MITF: variants seen among roughly 807,000 people sequenced by gnomAD.
MITF encodes the protein microphthalmia-associated transcription factor.
A neutral mutation model predicts 60.5 loss-of-function variants in MITF; 17 were observed. The observed-to-expected ratio is 0.28, with a 90% confidence interval of 0.19 to 0.42. The LOEUF is 0.42. Ranked by LOEUF, MITF falls within the 10% of genes least tolerant of loss-of-function variation. The pLI is 1.00. For missense variants in MITF, 622 were observed against 683.5 expected (o/e 0.91, Z 1.00); for synonymous variants, 260 against 248.5 (o/e 1.05, Z -0.43).
chr3:69,956,547 G>C lies in MITF; in HGVS notation c.1031+17G>C. The C allele has an allele frequency of 6.3e-7, 1 of 1,593,812 alleles. No homozygotes were observed. Among genetic ancestry groups the C allele is most frequent in the Non-Finnish European group, 8.6e-7 (1 of 1,161,696 alleles). Reference sequence around the variant, plus strand: ...AAATGATCCGTGAGTACAATCGCGTGTTAATCTGCATCATATATTTTTCGT... The same window carrying C: ...AAATGATCCGTGAGTACAATCGCGTCTTAATCTGCATCATATATTTTTCGT... On this transcript the variant is annotated intron_variant, in intron 8 of 9. Coordinates refer to ENST00000352241, the MANE Select transcript of MITF (RefSeq NM_001354604.2).
chr3:69,941,077 T>A (rs561569535), intron 4 of MITF, among the ~76,000 whole-genome samples, 159 bp from the exon 5 acceptor site: 1 of 152,338 alleles, frequency 6.6e-6, no homozygotes, highest in South Asian at 2.1e-4. Flanking sequence ...TACTATTTTA[T>A]ACTTCAATAC....
intron 2 of MITF, among the ~76,000 whole-genome samples, chr3:69,905,196 T>A (rs1559710280): frequency 6.6e-6 from 1 of 152,100 alleles, no homozygotes; most frequent in Non-Finnish European, 1.5e-5. Flanking sequence ...GTTTGTAATT[T>A]CCAGAGTTTA....
chr3:69,907,603 T>C (rs2065128942), intron 2 of MITF, among the ~76,000 whole-genome samples: 1 of 152,086 alleles, frequency 6.6e-6, no homozygotes, highest in Non-Finnish European at 1.5e-5. Flanking sequence ...GTGCCAAAAT[T>C]TGTATTTGAA....
intron 1 of MITF, among the ~76,000 whole-genome samples, chr3:69,745,623 T>C (rs979938564): frequency 1.3e-5 from 2 of 152,238 alleles, no homozygotes; most frequent in Admixed American, 1.3e-4. Flanking sequence ...CCTTTTAAAC[T>C]TCTAACCTTT....
intron 1 of MITF, among the ~76,000 whole-genome samples, chr3:69,845,886 G>A (rs1323461376): frequency 6.6e-6 from 1 of 152,172 alleles, no homozygotes; most frequent in East Asian, 1.9e-4. Flanking sequence ...GAGTGTCATG[G>A]CTCTGTGTGT....
intron 1 of MITF, among the ~76,000 whole-genome samples, chr3:69,750,471 C>CTTTTTT (rs199909971): frequency 8.1e-6 from 1 of 123,860 alleles, no homozygotes; most frequent in African/African-American, 3.1e-5. Flanking sequence ...AGTGACACTC[C>CTTTTTT]TTTTTTTTTT....
At position 69,965,709 on chromosome 3, in the gene MITF, A is replaced by T. The variant is rs2066674437; in HGVS notation, c.*461A>T. 4.1e-6 allele frequency: 1 copy of T among 244,134 alleles called. No individual in the cohort carries two copies. Among genetic ancestry groups the T allele is most frequent in the African/African-American group, 2.2e-5 (1 of 45,330 alleles). The allele number at this position is 244,134 out of a possible 1,614,324, so 15.1% of individuals were successfully genotyped here. On this transcript the variant is annotated 3_prime_UTR_variant, in exon 10 of 10. Coordinates refer to ENST00000352241, the MANE Select transcript of MITF (RefSeq NM_001354604.2). ...ATCCATACTAACCCTTTTCCATTTT[A>T]TAAATGTATTGATTCATTGGTACTG...
At chr3:69,913,801 G>A (rs1191902377) in intron 2 of MITF, among the ~76,000 whole-genome samples, 3 of 152,140 alleles carry the variant, frequency 2.0e-5, no homozygotes, top group African/African-American at 7.2e-5. Context: ...TGTTTTGGTG[G>A]TGATGCCTAC....
At chr3:69,943,586 A>G (rs2066021998) in intron 5 of MITF, among the ~76,000 whole-genome samples, 1 of 152,146 alleles carries the variant, frequency 6.6e-6, no homozygotes, top group South Asian at 2.1e-4. Flanking sequence ...TATTGATAGT[A>G]TTTGTTTATT....
chr3:69,907,823 G>A (rs1201282483), intron 2 of MITF, among the ~76,000 whole-genome samples: 1 of 152,140 alleles, frequency 6.6e-6, no homozygotes, highest in Non-Finnish European at 1.5e-5. Flanking sequence ...TTGCTCTTGA[G>A]AATAAGCAGT....
Position 69,949,150 on chromosome 3 carries a change from A to T in MITF, c.862A>T (p.Ile288Leu). 1.2e-6 allele frequency: 2 copies of T among 1,613,240 alleles called. No individual in the cohort carries two copies. The highest frequency in any genetic ancestry group is 1.7e-6 in the Non-Finnish European group (2 of 1,179,328). Residue 288 changes from isoleucine to leucine, a missense_variant, in exon 6 of 10, where the codon ATA (isoleucine) becomes TTA (leucine). Around this residue, in one of 5 missense-constraint regions of MITF, gnomAD observed 215 missense variants for 224.8 expected, o/e 0.96. Transcript: ENST00000352241. ...SNSCPANLPN[I>L]KRELTACIFP... ...CTCCTGTCCAGCCAACCTTCCCAAC[A>T]TAAAAAGGGAGCTCACAGGTAAACA...
At chr3:69,864,266 A>G (rs990492913) in intron 1 of MITF, among the ~76,000 whole-genome samples, 3 of 152,148 alleles carry the variant, frequency 2.0e-5, no homozygotes, top group Non-Finnish European at 4.4e-5. Flanking sequence ...GTCAGAATCT[A>G]TGTTCTTGAT....
intron 1 of MITF, among the ~76,000 whole-genome samples, chr3:69,841,783 C>T (rs149565120): frequency 1.3e-5 from 2 of 152,144 alleles, no homozygotes; most frequent in African/African-American, 2.4e-5. Context: ...ATTTTAAAGC[C>T]AAGCTAAAAT....
At chr3:69,847,061 C>A (rs1255873772) in intron 1 of MITF, among the ~76,000 whole-genome samples, 1 of 152,096 alleles carries the variant, frequency 6.6e-6, no homozygotes, top group Admixed American at 6.5e-5. Flanking sequence ...CTCTTGAGGG[C>A]ATTAGTGTCA....
chr3:69,799,861 G>A (rs1471876953), intron 1 of MITF, among the ~76,000 whole-genome samples: 1 of 152,158 alleles, frequency 6.6e-6, no homozygotes, highest in African/African-American at 2.4e-5. Flanking sequence ...ACTATCAGGT[G>A]CTGTGTGGTT....
intron 9 of MITF, among the ~76,000 whole-genome samples, chr3:69,959,985 A>G (rs1198897742): frequency 1.3e-5 from 2 of 152,208 alleles, no homozygotes; most frequent in Non-Finnish European, 2.9e-5. Context: ...ACATAAGGTG[A>G]CCTTCAACAG....
chr3:69,805,555 T>G (rs114063947), intron 1 of MITF, among the ~76,000 whole-genome samples: 343 of 152,336 alleles, frequency 2.3e-3, no homozygotes, highest in African/African-American at 7.9e-3. Flanking sequence ...CCGCTGTATA[T>G]TACAAGGGCA....
At chr3:69,859,785 A>C (rs541835772) in intron 1 of MITF, among the ~76,000 whole-genome samples, 2 of 152,294 alleles carry the variant, frequency 1.3e-5, no homozygotes, top group East Asian at 3.9e-4. Flanking sequence ...AACTTAAAAA[A>C]AGTTACTAAC....
intron 9 of MITF, among the ~76,000 whole-genome samples, chr3:69,962,421 T>G (rs537757809): frequency 6.6e-6 from 1 of 152,332 alleles, no homozygotes; most frequent in Non-Finnish European, 1.5e-5. Flanking sequence ...GTGTGACATG[T>G]CAAGCTCCTG....
Sources: gnomAD v4.1 joint callset for allele counts (sites outside exome capture counted in the v4.1 genomes callset) on GRCh38, gnomAD v4.1.1 for gene constraint, gnomAD v4.1.1 regional missense constraint, MANE v1.5 for transcripts, NCBI Gene and HGNC (gene_info 2026-07-23, HGNC 2026-07-21) for gene names.